PRDM5: variants seen among roughly 807,000 people sequenced by gnomAD.
The protein encoded by PRDM5 is PR domain zinc finger protein 5.
Under a neutral mutation model 81.2 loss-of-function variants are expected in PRDM5, and 56 were observed. That is an observed-to-expected ratio of 0.69 (90% CI 0.56 to 0.86). The LOEUF (loss-of-function observed/expected upper bound fraction) is 0.86, where lower values mean the gene tolerates loss of function less well. Among genes scored for constraint, PRDM5 ranks in the 40% least tolerant of loss-of-function variants. The pLI is 0.00. For missense variants in PRDM5, 697 were observed against 770.1 expected (o/e 0.91, Z 1.12); for synonymous variants, 267 against 256.4 (o/e 1.04, Z -0.39).
intron 14 of PRDM5, among the ~76,000 whole-genome samples, chr4:120,711,351 T>C (rs760136094): frequency 6.6e-6 from 1 of 152,172 alleles, no homozygotes; most frequent in Non-Finnish European, 1.5e-5. Flanking sequence ...TAGGCTGGAG[T>C]GCAGTGGCAC....
chr4:120,735,965 C>T (rs554931436), intron 14 of PRDM5, among the ~76,000 whole-genome samples: 55 of 152,122 alleles, frequency 3.6e-4, no homozygotes, highest in African/African-American at 1.3e-3. Context: ...ATACATTATA[C>T]CCATGAAGTA....
chr4:120,892,675 T>TC (rs1423829655), intron 2 of PRDM5, among the ~76,000 whole-genome samples: 18 of 149,398 alleles, frequency 1.2e-4, no homozygotes, highest in African/African-American at 4.5e-4. Flanking sequence ...GTGTGGCTCA[T>TC]CTGGCTATGA....
chr4:120,709,449 T>C (rs369830734), intron 15 of PRDM5, among the ~76,000 whole-genome samples: 4 of 152,314 alleles, frequency 2.6e-5, no homozygotes, highest in African/African-American at 9.6e-5. Flanking sequence ...TGTCTTAACC[T>C]TACCACTGAA....
intron 2 of PRDM5, among the ~76,000 whole-genome samples, chr4:120,860,299 A>G (rs530476413): frequency 6.6e-6 from 1 of 152,328 alleles, no homozygotes; most frequent in East Asian, 1.9e-4. Context: ...TTTCCTTTAA[A>G]TGTTCAAAAA....
intron 14 of PRDM5, among the ~76,000 whole-genome samples, chr4:120,750,687 T>TACACAC (rs56024428): frequency 0.096 from 14,101 of 147,522 alleles, 819 homozygotes; most frequent in East Asian, 0.16. Context: ...TAGTTTCTTT[T>TACACAC]ACACACACAC....
downstream of PRDM5, among the ~76,000 whole-genome samples, chr4:120,688,769 T>C (rs1733929731): frequency 6.6e-6 from 1 of 152,148 alleles, no homozygotes; most frequent in Admixed American, 6.6e-5. Flanking sequence ...TTAAAGATCA[T>C]TTAGCTGTAT....
At chr4:120,775,776 T>A (rs943169339) in intron 13 of PRDM5, among the ~76,000 whole-genome samples, 1 of 152,152 alleles carries the variant, frequency 6.6e-6, no homozygotes, top group South Asian at 2.1e-4. Flanking sequence ...ATTACTGATA[T>A]CAGAGTGAAG....
chr4:120,780,369 A>C (rs1453639188), intron 12 of PRDM5, among the ~76,000 whole-genome samples: 1 of 152,088 alleles, frequency 6.6e-6, no homozygotes, highest in African/African-American at 2.4e-5. Context: ...ACTTGAGCCC[A>C]GGTGTTCAAG....
intron 2 of PRDM5, among the ~76,000 whole-genome samples, chr4:120,862,569 G>A (rs1319322318): frequency 2.0e-5 from 3 of 152,196 alleles, no homozygotes; most frequent in Non-Finnish European, 2.9e-5. Context: ...GCCTGAGACT[G>A]CCAAAAAGTC....
chr4:120,829,385 A>T lies in PRDM5; in HGVS notation c.301-8040T>A, dbSNP rs189902661. Among the ~76,000 whole-genome samples, 112 of 152,162 alleles carry T rather than the reference A, an allele frequency of 7.4e-4. 1 individual carries two copies. The highest frequency in any genetic ancestry group is 7.1e-3 in the Admixed American group (109 of 15,262). ...TTCAAATTCTCTATGACCCTTCCAC[A>T]TCCGGCATTATGTGTACACCTCAAC... On this transcript the variant is annotated intron_variant, in intron 3 of 15. Coordinates refer to ENST00000264808, the MANE Select transcript of PRDM5 (RefSeq NM_018699.4).
At chr4:120,857,556 A>C (rs1760026615) in intron 2 of PRDM5, among the ~76,000 whole-genome samples, 3 of 152,220 alleles carry the variant, frequency 2.0e-5, no homozygotes, top group Non-Finnish European at 2.9e-5. Context: ...TCTGAGAGAA[A>C]TAATGTGCTG....
rs1238424131 is a variant in PRDM5, at chr4:120,694,046, G to C, written c.*1065C>G. 4 of 152,080 alleles carry C rather than the reference G, an allele frequency of 2.6e-5. No homozygotes were observed. The highest frequency in any genetic ancestry group is 6.6e-5 in the Admixed American group (1 of 15,228). 9.4% of individuals were successfully genotyped at this position (152,080 alleles called of 1,614,324 possible). ...GTATTCTGGATTCCTAATTATATGG[G>C]ATGATTGAAGGTAATTCAAAAGTGT... On this transcript the variant is annotated 3_prime_UTR_variant, in exon 16 of 16. Transcript: ENST00000264808.
At chr4:120,710,851 A>G (rs1736862546) in intron 14 of PRDM5, among the ~76,000 whole-genome samples, 1 of 152,108 alleles carries the variant, frequency 6.6e-6, no homozygotes, top group Admixed American at 6.5e-5. Context: ...TCTTTCCTGT[A>G]TAAATCACCC....
chr4:120,760,441 C>A (rs905549226), intron 13 of PRDM5, among the ~76,000 whole-genome samples: 6 of 152,058 alleles, frequency 3.9e-5, no homozygotes, highest in Non-Finnish European at 8.8e-5. Context: ...ATATGTCATA[C>A]CATCCTATGA....
At chr4:120,777,369 T>A in intron 12 of PRDM5, 88 bp from the exon 13 acceptor site, 1 of 1,576,002 alleles carries the variant, frequency 6.3e-7, no homozygotes, top group South Asian at 1.1e-5. Flanking sequence ...TAAATCCTTA[T>A]TTTGTAGGAT....
At chr4:120,738,410 A>C (rs74755816) in intron 14 of PRDM5, among the ~76,000 whole-genome samples, 1 of 152,166 alleles carries the variant, frequency 6.6e-6, no homozygotes, top group Non-Finnish European at 1.5e-5. Context: ...AATTACTTAA[A>C]AGGAAAGCTC....
At chr4:120,856,964 G>A (rs1759946011) in intron 2 of PRDM5, among the ~76,000 whole-genome samples, 3 of 152,172 alleles carry the variant, frequency 2.0e-5, no homozygotes, top group Non-Finnish European at 4.4e-5. Flanking sequence ...GGCCAATGAT[G>A]AAGTCAACAG....
At chr4:120,804,077 A>G (rs1752539443) in intron 8 of PRDM5, among the ~76,000 whole-genome samples, 1 of 152,180 alleles carries the variant, frequency 6.6e-6, no homozygotes. Context: ...CAGACTTTAA[A>G]CCAACAAAGA....
intron 2 of PRDM5, among the ~76,000 whole-genome samples, chr4:120,877,527 G>A (rs570960749): frequency 3.9e-5 from 6 of 152,282 alleles, no homozygotes; most frequent in East Asian, 1.9e-4. Context: ...AAACGGGGCC[G>A]GGTGCGGTGG....
Sources: gnomAD v4.1 joint callset for allele counts (sites outside exome capture counted in the v4.1 genomes callset) on GRCh38, gnomAD v4.1.1 for gene constraint, MANE v1.5 for transcripts, NCBI Gene and HGNC (gene_info 2026-07-23, HGNC 2026-07-21) for gene names.